PTPRD: variants seen among roughly 807,000 people sequenced by gnomAD.
PTPRD encodes the protein receptor-type tyrosine-protein phosphatase delta.
In PTPRD, 34 loss-of-function variants were observed where a neutral mutation model predicts 214.5. The observed-to-expected ratio is 0.16, with a 90% CI of 0.12 to 0.21. The LOEUF is 0.21. Ranked by LOEUF, PTPRD falls within the 10% of genes least tolerant of loss-of-function variation. The probability of loss-of-function intolerance (pLI) is 1.00; values close to 1 mark genes in which losing one functional copy is unlikely to be tolerated. For missense variants in PTPRD, 2,545 were observed against 2,398.7 expected, an observed-to-expected ratio of 1.06 and a Z score of -1.27; for synonymous variants, 1,128 against 845.7, an observed-to-expected ratio of 1.33 and a Z score of -5.79.
intron 5 of PTPRD, among the ~76,000 whole-genome samples, chr9:9,825,619 G>C (rs2153586097): frequency 6.6e-6 from 1 of 151,992 alleles, no homozygotes; most frequent in African/African-American, 2.4e-5. Flanking sequence ...TTAACTAGTT[G>C]TCTGAAGCTT....
chr9:8,810,254 CA>C (rs1372789975), intron 11 of PTPRD, among the ~76,000 whole-genome samples: 3 of 152,040 alleles, frequency 2.0e-5, no homozygotes, highest in Non-Finnish European at 4.4e-5. Flanking sequence ...CTATTGCACA[CA>C]AAAAAAATCC....
chr9:9,089,904 G>C (rs754256390), intron 10 of PTPRD, among the ~76,000 whole-genome samples: 7 of 152,014 alleles, frequency 4.6e-5, no homozygotes, highest in Non-Finnish European at 7.4e-5. Flanking sequence ...AAAGAGACAA[G>C]TTTATTTTGA....
intron 12 of PTPRD, among the ~76,000 whole-genome samples, chr9:8,687,973 T>G (rs2097718793): frequency 6.6e-6 from 1 of 152,192 alleles, no homozygotes. Context: ...ACTTTTACAG[T>G]TTTTTGAAAT....
In PTPRD at chr9:10,454,871, G is replaced by A. The variant is rs80106886; in HGVS notation, c.-599-113854C>T. ...CATATAATAGAAAACTCTAAGAGTG[G>A]TCCTAAAGATGAAACAAAGTGATCA... On this transcript the variant is annotated intron_variant, in intron 2 of 45. Transcript: ENST00000381196. Among the ~76,000 whole-genome samples the A allele has an allele frequency of 4.1e-3, 622 of 151,350 alleles. 3 individuals are homozygous for A. Among genetic ancestry groups the A allele is most frequent in the African/African-American group, 0.014 (587 of 41,442 alleles).
At chr9:9,907,234 C>T (rs1471869376) in intron 5 of PTPRD, among the ~76,000 whole-genome samples, 1 of 151,894 alleles carries the variant, frequency 6.6e-6, no homozygotes. Flanking sequence ...TGATGATTAT[C>T]AGGAGTTTTG....
intron 8 of PTPRD, among the ~76,000 whole-genome samples, chr9:9,526,856 C>A (rs888523903): frequency 6.6e-6 from 1 of 151,978 alleles, no homozygotes; most frequent in Admixed American, 6.6e-5. Context: ...GCTTTATATA[C>A]CTGTAGTTTT....
intron 3 of PTPRD, among the ~76,000 whole-genome samples, chr9:10,180,653 C>A (rs878919732): frequency 1.4e-5 from 2 of 142,776 alleles, no homozygotes; most frequent in African/African-American, 5.1e-5. Flanking sequence ...ATGAACTATA[C>A]TTAAAAATAC....
intron 8 of PTPRD, among the ~76,000 whole-genome samples, chr9:9,477,265 T>C (rs549050274): frequency 6.6e-6 from 1 of 152,314 alleles, no homozygotes; most frequent in African/African-American, 2.4e-5. Flanking sequence ...AGTTCTGATG[T>C]GTACTTGCCT....
chr9:8,965,991 A>G (rs899899883), intron 11 of PTPRD, among the ~76,000 whole-genome samples: 3 of 152,138 alleles, frequency 2.0e-5, no homozygotes, highest in African/African-American at 7.2e-5. Flanking sequence ...CTATACACCA[A>G]TAATGATGAA....
intron 8 of PTPRD, among the ~76,000 whole-genome samples, chr9:9,431,892 G>A (rs1303083254): frequency 3.5e-5 from 4 of 113,002 alleles, no homozygotes; most frequent in East Asian, 3.1e-4. Context: ...ATCACACACC[G>A]CGGCCTGTTG....
At position 10,557,527 on chromosome 9, in the gene PTPRD, T is replaced by C. The variant is rs116769630; in HGVS notation, c.-600+54871A>G. ...TAGATCCAGCTTTCCCATAACTTGT[T>C]ATTCACAAAGTTTTCACTGCTGCTC... On this transcript the variant is annotated intron_variant, in intron 2 of 45. Coordinates refer to ENST00000381196, the MANE Select transcript of PTPRD (RefSeq NM_002839.4). Among the ~76,000 whole-genome samples the C allele has an allele frequency of 7.4e-4, 112 of 152,296 alleles. 1 individual carries two copies. Among genetic ancestry groups the C allele is most frequent in the African/African-American group, 2.5e-3 (105 of 41,576 alleles).
At chr9:10,284,613 G>A (rs2095277339) in intron 3 of PTPRD, among the ~76,000 whole-genome samples, 1 of 152,152 alleles carries the variant, frequency 6.6e-6, no homozygotes, top group Admixed American at 6.6e-5. Flanking sequence ...ATATAGGCAT[G>A]GCTTAGTTGG....
rs561964160 is a variant in PTPRD at position 8,465,663 on chromosome 9, T to G, written c.3517A>C (p.Ile1173Leu). The change falls in exon 32 of 46, where the codon ATA becomes CTA. Residue 1173 changes from isoleucine to leucine, a missense_variant. Ile to Leu is a conservative substitution (Grantham distance 5). Coordinates refer to ENST00000381196, the MANE Select transcript of PTPRD (RefSeq NM_002839.4). The stretch of plus-strand genomic sequence containing the variant: ...CGGATGCTTCTGCGCTTCCTAGATA[T>G]CTCCTTAAGCAGCTTAAGGAAAAAA... ...EMELDELLKEISRKRRSIRYG... is the reference protein window; with the variant it reads ...EMELDELLKELSRKRRSIRYG... 136 of 1,611,096 alleles carry G rather than the reference T, an allele frequency of 8.4e-5. 2 individuals are homozygous for G. The highest frequency in any genetic ancestry group is 2.3e-4 in the Admixed American group (14 of 59,626).
At chr9:10,325,429 T>A (rs1597154170) in intron 3 of PTPRD, among the ~76,000 whole-genome samples, 1 of 151,972 alleles carries the variant, frequency 6.6e-6, no homozygotes, top group Non-Finnish European at 1.5e-5. Flanking sequence ...TACAAACTAT[T>A]TTTAATATTA....
chr9:8,438,958 G>C (rs1208167253), intron 34 of PTPRD: 1 of 152,120 alleles, frequency 6.6e-6, no homozygotes, highest in African/African-American at 2.4e-5. Flanking sequence ...TATTATATTG[G>C]AAGTTTATTA....
At position 9,875,446 on chromosome 9, in the gene PTPRD, A is replaced by T. The variant is rs1565933028; in HGVS notation, c.-368+63061T>A. Among the ~76,000 whole-genome samples, 3 of 152,226 alleles carry T rather than the reference A, an allele frequency of 2.0e-5. 1 individual carries two copies. The South Asian group carries it at 6.2e-4, about 32-fold the overall frequency. On this transcript the variant is annotated intron_variant, in intron 5 of 45. Coordinates refer to ENST00000381196, the MANE Select transcript of PTPRD (RefSeq NM_002839.4). The stretch of plus-strand genomic sequence containing the variant: ...TCAAGAACATTGAATATCTGTTAAT[A>T]ACCTAAGTAGGATGCAAACCAAAGA...
intron 6 of PTPRD, among the ~76,000 whole-genome samples, chr9:9,740,921 T>G (rs1440752565): frequency 2.0e-5 from 3 of 152,146 alleles, no homozygotes; most frequent in African/African-American, 4.8e-5. Flanking sequence ...TGGTAGTATA[T>G]TCTATGTGGC....
At chr9:8,423,005 C>G (rs1289272638) in intron 35 of PTPRD, among the ~76,000 whole-genome samples, 1 of 152,070 alleles carries the variant, frequency 6.6e-6, no homozygotes, top group Admixed American at 6.6e-5. Context: ...TGTAGAACGG[C>G]AATAGAAGAG....
At chr9:9,206,220 G>C (rs936189758) in intron 9 of PTPRD, among the ~76,000 whole-genome samples, 1 of 152,122 alleles carries the variant, frequency 6.6e-6, no homozygotes, top group African/African-American at 2.4e-5. Flanking sequence ...TGGAAGCTGA[G>C]GTCAGAGAAG....
Sources: gnomAD v4.1 joint callset for allele counts (sites outside exome capture counted in the v4.1 genomes callset) on GRCh38, gnomAD v4.1.1 for gene constraint, MANE v1.5 for transcripts, NCBI Gene and HGNC (gene_info 2026-07-23, HGNC 2026-07-21) for gene names.